Variants in LUC7L observed in about 807,000 individuals in gnomAD.
The protein encoded by LUC7L is LUC7 like, also known as putative RNA-binding protein Luc7-like 1.
In LUC7L, 29 loss-of-function variants were observed where a neutral mutation model predicts 51.1. The observed-to-expected ratio is 0.57, with a 90% CI of 0.42 to 0.77. The LOEUF (loss-of-function observed/expected upper bound fraction) is 0.77. Ranked by LOEUF, LUC7L falls within the 30% of genes least tolerant of loss-of-function variation. LUC7L has a pLI of 0.00. For synonymous variants in LUC7L, 181 were observed against 180.7 expected (o/e 1.00, Z -0.01); for missense variants, 403 against 511.9 (o/e 0.79, Z 2.05).
chr16:194,553 C>T (rs939480271), intron 6 of LUC7L, among the ~76,000 whole-genome samples: 14 of 152,204 alleles, frequency 9.2e-5, no homozygotes, highest in Admixed American at 1.3e-4. Context: ...GGATGTATCT[C>T]ATCAAACACA....
At chr16:229,146 G>A in intron 1 of LUC7L, 133 bp downstream of exon 1, 2 of 1,413,030 alleles carry the variant, frequency 1.4e-6, no homozygotes, top group Non-Finnish European at 1.8e-6. Flanking sequence ...GCCTGCGGTC[G>A]GAGCGCGGGG....
chr16:227,497 T>C lies in LUC7L; in HGVS notation c.62-161A>G. ...GATCTAAAGATATTTACAACTGGAG[T>C]GGAATACACATTTTTTTGAGGCTAG... On this transcript the variant is annotated intron_variant, in intron 1 of 9. Transcript: ENST00000293872. 3 of 1,442,902 alleles carry C rather than the reference T, an allele frequency of 2.1e-6. No individual in the cohort carries two copies. The South Asian group carries it at 4.3e-5, about 21-fold the overall frequency. The allele number at this position is 1,442,902 out of a possible 1,614,324, so 89.4% of individuals were successfully genotyped here. A position where few individuals can be genotyped will look rare whatever the true frequency, so the allele number is the denominator to read the frequency against.
chr16:206,880 C>T (rs2142074142), intron 4 of LUC7L, among the ~76,000 whole-genome samples: 1 of 134,558 alleles, frequency 7.4e-6, no homozygotes, highest in South Asian at 2.4e-4. Context: ...GCAACAGACT[C>T]CATCTTTATT....
chr16:211,371 T>A (rs926951639), intron 3 of LUC7L, among the ~76,000 whole-genome samples: 3 of 151,486 alleles, frequency 2.0e-5, no homozygotes, highest in Non-Finnish European at 4.4e-5. Flanking sequence ...GGCAGGAGAA[T>A]CGCTTGAACC....
Position 228,744 on chromosome 16 carries a change from G to T in LUC7L, c.61+535C>A, listed in dbSNP as rs1276513023. ...TGGCTACACAGAGGCTCTCCTGTGTGCTGGGGGGAAGGGGGCAGCTGGAAA... is the reference window on the plus strand; with the variant it reads ...TGGCTACACAGAGGCTCTCCTGTGTTCTGGGGGGAAGGGGGCAGCTGGAAA... On this transcript the variant is annotated intron_variant, in intron 1 of 9. Coordinates refer to ENST00000293872, the MANE Select transcript of LUC7L (RefSeq NM_201412.3). 2.4e-6 allele frequency: 3 copies of T among 1,263,046 alleles called. No homozygotes were observed. The Admixed American group carries it at 7.3e-5, about 31-fold the overall frequency. The allele number at this position is 1,263,046 out of a possible 1,614,324, so 78.2% of individuals were successfully genotyped here.
intron 3 of LUC7L, among the ~76,000 whole-genome samples, chr16:215,284 G>C (rs1189064710): frequency 6.6e-6 from 1 of 151,968 alleles, no homozygotes; most frequent in Non-Finnish European, 1.5e-5. Context: ...TCAGGAGCTT[G>C]AGACCATCCT....
intron 3 of LUC7L, among the ~76,000 whole-genome samples, chr16:211,830 T>C (rs1213227443): frequency 1.3e-5 from 2 of 152,150 alleles, no homozygotes; most frequent in South Asian, 2.1e-4. Flanking sequence ...GAGGAGGCTG[T>C]CCCTCCACAC....
intron 3 of LUC7L, among the ~76,000 whole-genome samples, chr16:218,924 C>CAAAA (rs33981903): frequency 7.7e-5 from 3 of 38,844 alleles, no homozygotes; most frequent in African/African-American, 3.7e-4. Flanking sequence ...AACCCTGTCT[C>CAAAA]AAAAAAAAAA....
intron 2 of LUC7L, among the ~76,000 whole-genome samples, chr16:226,789 T>G (rs1038778397): frequency 6.6e-5 from 10 of 152,216 alleles, no homozygotes; most frequent in Admixed American, 1.3e-4. Context: ...TAAATGACTT[T>G]ACAAAAAATC....
At chr16:203,994 C>T (rs935062059) in intron 5 of LUC7L, among the ~76,000 whole-genome samples, 1 of 151,318 alleles carries the variant, frequency 6.6e-6, no homozygotes, top group Non-Finnish European at 1.5e-5. Context: ...CCAGCCTGGG[C>T]GAATGAATGA....
chr16:198,299 A>AG (rs2049217798), intron 6 of LUC7L, among the ~76,000 whole-genome samples: 1 of 151,396 alleles, frequency 6.6e-6, no homozygotes, highest in Non-Finnish European at 1.5e-5. Flanking sequence ...AAAAAAAAAA[A>AG]AAAAAAAGTT....
chr16:214,121 G>A lies in LUC7L; in HGVS notation c.256-5933C>T, dbSNP rs140760291. On this transcript the variant is annotated intron_variant, in intron 3 of 9. Coordinates refer to ENST00000293872, the MANE Select transcript of LUC7L (RefSeq NM_201412.3). ...CTTGCTCTGTCGCCCAGGCTAGAGT[G>A]CAATGGCACGATCTCGGCTCACTGC... Among the ~76,000 whole-genome samples, 5 of 152,004 alleles carry A rather than the reference G, an allele frequency of 3.3e-5. No individual in the cohort carries two copies. In the East Asian group the frequency reaches 7.7e-4, roughly 24 times the overall value.
intron 5 of LUC7L, among the ~76,000 whole-genome samples, chr16:199,827 T>C (rs992685643): frequency 7.0e-6 from 1 of 143,286 alleles, no homozygotes; most frequent in African/African-American, 2.6e-5. Flanking sequence ...CCGTCTCTAC[T>C]AAAAATACAA....
intron 2 of LUC7L, among the ~76,000 whole-genome samples, chr16:226,590 T>G (rs1252844296): frequency 3.9e-5 from 6 of 152,226 alleles, no homozygotes; most frequent in African/African-American, 1.4e-4. Flanking sequence ...TATCCTCAAC[T>G]GATTTTTAAA....
At chr16:189,401 G>A in intron 9 of LUC7L, 62 bp from the exon 10 acceptor site, 1 of 1,546,912 alleles carries the variant, frequency 6.5e-7, no homozygotes, top group East Asian at 2.3e-5. Flanking sequence ...GGCCGCTCAG[G>A]CACTGACGAT....
At chr16:207,549 T>C (rs11639642) in intron 4 of LUC7L, among the ~76,000 whole-genome samples, 39,471 of 152,040 alleles carry the variant, frequency 0.26, 6,760 homozygotes, top group Non-Finnish European at 0.37. Flanking sequence ...AAAATAATGA[T>C]AAACCATGTA....
intron 1 of LUC7L, chr16:228,509 T>C: frequency 8.2e-7 from 1 of 1,225,750 alleles, no homozygotes; most frequent in Non-Finnish European, 1.0e-6. Flanking sequence ...AAAAAGCACT[T>C]ATTCACCTAT....
At chr16:216,666 C>T (rs1042415023) in intron 3 of LUC7L, among the ~76,000 whole-genome samples, 2 of 152,158 alleles carry the variant, frequency 1.3e-5, no homozygotes, top group Non-Finnish European at 2.9e-5. Context: ...AGGCATAAGC[C>T]ACCTCGCCTG....
At chr16:218,250 G>A (rs368598591) in intron 3 of LUC7L, among the ~76,000 whole-genome samples, 9 of 151,958 alleles carry the variant, frequency 5.9e-5, no homozygotes, top group Admixed American at 2.6e-4. Context: ...TAATGCAAGC[G>A]GAGGGACCCT....
Sources: gnomAD v4.1 joint callset for allele counts (sites outside exome capture counted in the v4.1 genomes callset) on GRCh38, gnomAD v4.1.1 for gene constraint, MANE v1.5 for transcripts, NCBI Gene and HGNC (gene_info 2026-07-23, HGNC 2026-07-21) for gene names.